Variants in ESRP2 observed in about 807,000 individuals in gnomAD.
The protein encoded by ESRP2 is RNA binding motif protein 35A.
Under a neutral mutation model 78.6 loss-of-function variants are expected in ESRP2, and 48 were observed. The observed-to-expected ratio is 0.61, with a 90% CI of 0.48 to 0.78. The LOEUF (loss-of-function observed/expected upper bound fraction) is 0.78. Among genes scored for constraint, ESRP2 ranks in the 30% least tolerant of loss-of-function variants. The pLI is 0.00. For synonymous variants in ESRP2, 383 were observed against 406.7 expected (o/e 0.94, Z 0.70); for missense variants, 863 against 965.9 (o/e 0.89, Z 1.41).
In ESRP2 at chr16:68,235,972, G is replaced by A. The variant is rs1436764662; in HGVS notation, c.74C>T (p.Pro25Leu). 1.2e-6 allele frequency: 2 copies of A among 1,602,250 alleles called. No individual in the cohort carries two copies. Among genetic ancestry groups the A allele is most frequent in the South Asian group, 1.1e-5 (1 of 89,828 alleles). ...PAADPAADPC[P>L]WPGSLVVLFG... ...GAGGACGACCAGTGATCCGGGCCAG[G>A]GGCAGGGGTCCGCGGCGGGGTCGGC... The change falls in exon 1 of 15, where the codon CCC (proline) becomes CTC (leucine). Residue 25 changes from proline (P) to leucine (L), a missense_variant. Transcript: ENST00000473183. The surrounding 1 kb of genome is among the most constrained non-coding windows in gnomAD (Gnocchi z 5.5).
At position 68,235,070 on chromosome 16, in the gene ESRP2, C is replaced by G; in HGVS notation, c.327+564G>C. ...AGCTAGGGCAGGAGGCACCCCAGGC[C>G]TTTGCACTCAGCAGGCAGATAGTCC... On this transcript the variant is annotated intron_variant, in intron 2 of 14. Coordinates refer to ENST00000473183, the MANE Select transcript of ESRP2 (RefSeq NM_024939.3). The surrounding 1 kb of genome is among the most constrained non-coding windows in gnomAD (Gnocchi z 5.5). The G allele has an allele frequency of 1.0e-6, 1 of 972,670 alleles. No individual in the cohort carries two copies. Among genetic ancestry groups the G allele is most frequent in the Non-Finnish European group, 1.2e-6 (1 of 817,686 alleles). The allele number at this position is 972,670 out of a possible 1,614,324, so 60.3% of individuals were successfully genotyped here.
rs1371175190 is a variant in ESRP2, at chr16:68,230,151, G to A, written c.*75C>T. ...CCAGAAAGAAGCTACCAGGTTGAGGGTGCTGGTCTTCTGGACTCAGGAGAG... is the reference window on the plus strand; with the variant it reads ...CCAGAAAGAAGCTACCAGGTTGAGGATGCTGGTCTTCTGGACTCAGGAGAG... On this transcript the variant is annotated 3_prime_UTR_variant, in exon 15 of 15. Coordinates refer to ENST00000473183, the MANE Select transcript of ESRP2 (RefSeq NM_024939.3). 6.5e-6 allele frequency: 9 copies of A among 1,392,440 alleles called. No homozygotes were observed. Among genetic ancestry groups the A allele is most frequent in the Non-Finnish European group, 9.2e-6 (9 of 979,654 alleles). 86.3% of individuals were successfully genotyped at this position (1,392,440 alleles called of 1,614,324 possible). A position where few individuals can be genotyped will look rare whatever the true frequency, so the allele number is the denominator to read the frequency against.
At position 68,232,046 on chromosome 16, in the gene ESRP2, A is replaced by C; in HGVS notation, c.1055T>G (p.Leu352Arg). ...LSREDQVILR[L>R]RGLPFSAGPT... ...CCCAGCCGAGAAGGGCAGTCCCCGC[A>C]GCCGCAGGATCACTTGGTCTTCCCG... The change falls in exon 10 of 15, where the codon CTG becomes CGG. Residue 352 changes from leucine (L) to arginine (R), a missense_variant. Leu to Arg is a moderately radical substitution (Grantham distance 102, BLOSUM62 -2). Transcript: ENST00000473183. The surrounding 1 kb of genome is among the most constrained non-coding windows in gnomAD (Gnocchi z 5.2). 6.2e-7 allele frequency: 1 copy of C among 1,613,972 alleles called. No homozygotes were observed. Among genetic ancestry groups the C allele is most frequent in the Non-Finnish European group, 8.5e-7 (1 of 1,179,964 alleles).
In ESRP2 at chr16:68,232,261, C is replaced by T; in HGVS notation, c.982G>A (p.Val328Ile). Residue 328 changes from valine (V) to isoleucine (I), a missense_variant, in exon 9 of 15, where the codon GTA becomes ATA. Transcript: ENST00000473183. This position sits in a 1 kb window ranked among gnomAD's most constrained non-coding sequence, Gnocchi z 5.2. ...EVYKATGEEF[V>I]KIAGGTSLEV... ...GTATACTCACCCCCTGCAATCTTTA[C>T]AAACTCCTCCCCTGTCGCTTTATAC... The T allele has an allele frequency of 6.2e-7, 1 of 1,614,186 alleles. No homozygotes were observed. Among genetic ancestry groups the T allele is most frequent in the South Asian group, 1.1e-5 (1 of 91,088 alleles).
In ESRP2 at chr16:68,235,613, G is replaced by T; in HGVS notation, c.327+21C>A. 6.3e-7 allele frequency: 1 copy of T among 1,596,264 alleles called. No homozygotes were observed. On this transcript the variant is annotated intron_variant, in intron 2 of 14. Coordinates refer to ENST00000473183, the MANE Select transcript of ESRP2 (RefSeq NM_024939.3). This position sits in a 1 kb window ranked among gnomAD's most constrained non-coding sequence, Gnocchi z 5.5. ...AATGTCCTCACGTCCAGGCCATGCCGCCACCCACCCCGGCGCTCACCTGCT... is the reference window on the plus strand; with the variant it reads ...AATGTCCTCACGTCCAGGCCATGCCTCCACCCACCCCGGCGCTCACCTGCT...
rs556537582 is a variant in ESRP2 at position 68,230,967 on chromosome 16, G to A, written c.1772C>T (p.Thr591Met). The A allele has an allele frequency of 8.7e-6, 14 of 1,608,368 alleles. No individual in the cohort carries two copies. In the Admixed American group the frequency reaches 1.0e-4, roughly 12 times the overall value. Reference protein sequence around the residue: ...QATPTLIPTETAALYPSSALL... With the variant: ...QATPTLIPTEMAALYPSSALL... ...TGCTGAAGAGGGGTATAGAGCTGCC[G>A]TCTCCGTGGGAATGAGCGTTGGGGT... Residue 591 changes from threonine to methionine, a missense_variant, in exon 13 of 15, where the codon ACG (threonine) becomes ATG (methionine). By Grantham distance (81) the Thr-to-Met change is moderately conservative. Coordinates refer to ENST00000473183, the MANE Select transcript of ESRP2 (RefSeq NM_024939.3).
chr16:68,230,530 C>T lies in ESRP2; in HGVS notation c.1923G>A (p.Val641=). ...YPSPPVSPTT[V]GYLTTPTAAL... ...CAGCAGTGGGTGTAGTGAGGTAGCC[C>T]ACAGTGGTGGGGGAGACTGGGGGGC... is the stretch of plus-strand genomic sequence containing the variant. Residue 641 remains valine, a synonymous_variant, in exon 14 of 15, where the codon GTG becomes GTA. Transcript: ENST00000473183. 1 of 1,587,478 alleles carries T rather than the reference C, an allele frequency of 6.3e-7. No homozygotes were observed. Among genetic ancestry groups the T allele is most frequent in the South Asian group, 1.2e-5 (1 of 86,776 alleles).
Position 68,230,866 on chromosome 16 carries a change from G to A in ESRP2, c.1873C>T (p.Leu625=). Reference sequence around the variant, plus strand: ...CTTGGGTAGTAGGCTGTGTAGTTCAGGTAGAGTTGAGTGGCTGGCCCTGGA... The same window carrying A: ...CTTGGGTAGTAGGCTGTGTAGTTCAAGTAGAGTTGAGTGGCTGGCCCTGGA... The part of the protein sequence containing the change: ...YYPGPATQLY[L]NYTAYYPSPP... Residue 625 remains leucine, a synonymous_variant, in exon 13 of 15, where the codon CTG becomes TTG. Coordinates refer to ENST00000473183, the MANE Select transcript of ESRP2 (RefSeq NM_024939.3). 1 of 1,614,064 alleles carries A rather than the reference G, an allele frequency of 6.2e-7. No individual in the cohort carries two copies. Among genetic ancestry groups the A allele is most frequent in the Non-Finnish European group, 8.5e-7 (1 of 1,179,962 alleles).
chr16:68,233,473 T>A, intron 4 of ESRP2, 48 bp from the exon 5 acceptor site: 1 of 1,376,052 alleles, frequency 7.3e-7, no homozygotes, highest in Non-Finnish European at 1.0e-6. Context: ...TAAGCACTAA[T>A]CCTGTTTACT....
rs780188291 is a variant in ESRP2, at chr16:68,235,989, G to A, written c.57C>T (p.Pro19=). 17 of 1,579,746 alleles carry A rather than the reference G, an allele frequency of 1.1e-5. No individual in the cohort carries two copies. In the South Asian group the frequency reaches 1.6e-4, roughly 15 times the overall value. Residue 19 remains proline, a synonymous_variant, in exon 1 of 15, where the codon CCC becomes CCT. Transcript: ENST00000473183. This position sits in a 1 kb window ranked among gnomAD's most constrained non-coding sequence, Gnocchi z 5.5. The part of the protein sequence containing the change: ...PPPGPDPAAD[P]AADPCPWPGS... ...CGGGCCAGGGGCAGGGGTCCGCGGCGGGGTCGGCCGCGGGGTCAGGGCCCG... is the reference window on the plus strand; with the variant it reads ...CGGGCCAGGGGCAGGGGTCCGCGGCAGGGTCGGCCGCGGGGTCAGGGCCCG...
rs1341373289 is a variant in ESRP2, at chr16:68,232,405, C to G, written c.920G>C (p.Arg307Thr). ...GCGGACGCCCATGTGGTGCTTGTGT[C>G]TCTGCAGCGCTAGGTCCCGCTGCTC... ...DSEQRDLALQ[R>T]HKHHMGVRYI... Residue 307 changes from arginine to threonine, a missense_variant, in exon 8 of 15, where the codon AGA becomes ACA. Transcript: ENST00000473183. This position sits in a 1 kb window ranked among gnomAD's most constrained non-coding sequence, Gnocchi z 5.2. 4 of 1,614,084 alleles carry G rather than the reference C, an allele frequency of 2.5e-6. No homozygotes were observed. Among genetic ancestry groups the G allele is most frequent in the East Asian group, 2.2e-5 (1 of 44,876 alleles).
chr16:68,235,272 C>G lies in ESRP2; in HGVS notation c.327+362G>C. On this transcript the variant is annotated intron_variant, in intron 2 of 14. Transcript: ENST00000473183. The surrounding 1 kb of genome is among the most constrained non-coding windows in gnomAD (Gnocchi z 5.5). Reference sequence around the variant, plus strand: ...GCAAGGACAGGTGACCTATATGGGCCCCTCGACCCCTTTCGCTTCCGGCTG... The same window carrying G: ...GCAAGGACAGGTGACCTATATGGGCGCCTCGACCCCTTTCGCTTCCGGCTG... 4.1e-6 allele frequency: 4 copies of G among 985,462 alleles called. No homozygotes were observed. Among genetic ancestry groups the G allele is most frequent in the Non-Finnish European group, 4.8e-6 (4 of 829,936 alleles). 61.0% of individuals were successfully genotyped at this position (985,462 alleles called of 1,614,324 possible).
Position 68,232,102 on chromosome 16 carries a change from G to A in ESRP2, c.999C>T (p.Gly333=), listed in dbSNP as rs1342007358. The part of the protein sequence containing the change: ...TGEEFVKIAG[G]TSLEVARFLS... The stretch of plus-strand genomic sequence containing the variant: ...AGAAACGAGCCACCTCTAGTGATGT[G>A]CCTGTGTATGAGAGTCGCCTGCTGA... Residue 333 remains glycine, a splice_region_variant and synonymous_variant, in exon 10 of 15, where the codon GGC becomes GGT. Coordinates refer to ENST00000473183, the MANE Select transcript of ESRP2 (RefSeq NM_024939.3). This position sits in a 1 kb window ranked among gnomAD's most constrained non-coding sequence, Gnocchi z 5.2. The A allele has an allele frequency of 6.2e-7, 1 of 1,612,198 alleles. No individual in the cohort carries two copies. Among genetic ancestry groups the A allele is most frequent in the South Asian group, 1.1e-5 (1 of 90,980 alleles).
chr16:68,232,783 G>C lies in ESRP2; in HGVS notation c.688C>G (p.Gln230Glu), dbSNP rs957071192. 1 of 1,614,222 alleles carries C rather than the reference G, an allele frequency of 6.2e-7. No homozygotes were observed. The highest frequency in any genetic ancestry group is 8.5e-7 in the Non-Finnish European group (1 of 1,180,040). ...CACCAAGGCCCCGTCTCGTATTTCT[G>C]CTTTATCACCTCGGGCTTCGAAAAC... Reference protein sequence around the residue: ...QLFSKPEVIKQKYETGPCSKA... With the variant: ...QLFSKPEVIKEKYETGPCSKA... The change falls in exon 6 of 15, where the codon CAG becomes GAG. Residue 230 changes from glutamine (Q) to glutamate (E), a missense_variant. Physicochemically the swap from Gln to Glu is conservative, Grantham distance 29. Transcript: ENST00000473183. The surrounding 1 kb of genome is among the most constrained non-coding windows in gnomAD (Gnocchi z 5.2).
intron 5 of ESRP2, 117 bp downstream of exon 5, chr16:68,233,210 A>AG (rs1211413172): frequency 6.0e-5 from 44 of 737,792 alleles, no homozygotes; most frequent in Non-Finnish European, 9.0e-5. Context: ...AAAAAAAAAA[A>AG]AAAAGAAATG....
intron 13 of ESRP2, 48 bp downstream of exon 13, chr16:68,230,793 G>C (rs372642622): frequency 6.2e-7 from 1 of 1,608,348 alleles, no homozygotes; most frequent in Non-Finnish European, 8.5e-7. Flanking sequence ...CCTTTCCCCA[G>C]ATTGGGACAG....
Position 68,235,768 on chromosome 16 carries a change from A to G in ESRP2, c.199-6T>C, listed in dbSNP as rs761723426. 1.2e-6 allele frequency: 2 copies of G among 1,609,694 alleles called. No individual in the cohort carries two copies. The highest frequency in any genetic ancestry group is 1.7e-6 in the Non-Finnish European group (2 of 1,178,726). Reference sequence around the variant, plus strand: ...GATTTGTGCAGCGTCCCCACCTGTGAGCGGCGGGGGAAACCGATCAGCCGC... The same window carrying G: ...GATTTGTGCAGCGTCCCCACCTGTGGGCGGCGGGGGAAACCGATCAGCCGC... On this transcript the variant is annotated splice_polypyrimidine_tract_variant and splice_region_variant and intron_variant, in intron 1 of 14. Transcript: ENST00000473183. This position sits in a 1 kb window ranked among gnomAD's most constrained non-coding sequence, Gnocchi z 5.5.
intron 2 of ESRP2, 72 bp from the exon 3 acceptor site, chr16:68,234,179 G>GAAGGAGGC: frequency 8.4e-7 from 1 of 1,191,712 alleles, no homozygotes; most frequent in Non-Finnish European, 1.2e-6. Flanking sequence ...AGGGTAGGAG[G>GAAGGAGGC]AAGGAGGCAG....
At position 68,235,134 on chromosome 16, in the gene ESRP2, C is replaced by G; in HGVS notation, c.327+500G>C. 1.0e-6 allele frequency: 1 copy of G among 991,396 alleles called. No individual in the cohort carries two copies. Among genetic ancestry groups the G allele is most frequent in the Non-Finnish European group, 1.2e-6 (1 of 833,572 alleles). The allele number at this position is 991,396 out of a possible 1,614,324, so 61.4% of individuals were successfully genotyped here. A position where few individuals can be genotyped will look rare whatever the true frequency, so the allele number is the denominator to read the frequency against. On this transcript the variant is annotated intron_variant, in intron 2 of 14. Transcript: ENST00000473183. The surrounding 1 kb of genome is among the most constrained non-coding windows in gnomAD (Gnocchi z 5.5). ...GGGACAGCGCCCACGCCTGGCCAGCCGGCCGGGACAGGCCTAGACGAGCAG... is the reference window on the plus strand; with the variant it reads ...GGGACAGCGCCCACGCCTGGCCAGCGGGCCGGGACAGGCCTAGACGAGCAG...
Sources: gnomAD v4.1 joint callset for allele counts on GRCh38, gnomAD v4.1.1 for gene constraint, Gnocchi (gnomAD v3.1) non-coding constraint, MANE v1.5 for transcripts, NCBI Gene and HGNC (gene_info 2026-07-23, HGNC 2026-07-21) for gene names.